FARSB: variants seen among roughly 807,000 people sequenced by gnomAD.
FARSB encodes the protein phenylalanine--tRNA ligase beta subunit.
In FARSB, 40 loss-of-function variants were observed where a neutral mutation model predicts 69.6. That is an observed-to-expected ratio of 0.57 (90% CI 0.45 to 0.75). The LOEUF is 0.75. FARSB is among the 30% of genes least tolerant of loss of function. FARSB has a pLI of 0.00. For missense variants in FARSB, 632 were observed against 722.9 expected (o/e 0.87, Z 1.44); for synonymous variants, 235 against 247.2 (o/e 0.95, Z 0.46).
intron 16 of FARSB, among the ~76,000 whole-genome samples, chr2:222,590,178 T>C (rs1299155649): frequency 1.3e-5 from 2 of 152,154 alleles, no homozygotes; most frequent in African/African-American, 4.8e-5. Flanking sequence ...CGGAATACTA[T>C]GCAGCCATAA....
intron 5 of FARSB, among the ~76,000 whole-genome samples, chr2:222,638,287 C>T (rs962130354): frequency 6.6e-6 from 1 of 152,050 alleles, no homozygotes; most frequent in Admixed American, 6.5e-5. Context: ...AATTCTTCCC[C>T]TTAGAAAAAG....
At chr2:222,589,705 A>T (rs1312091390) in intron 16 of FARSB, among the ~76,000 whole-genome samples, 2 of 152,242 alleles carry the variant, frequency 1.3e-5, no homozygotes, top group Non-Finnish European at 2.9e-5. Context: ...TAGGCGAAGG[A>T]TATCAACATG....
chr2:222,580,311 T>C (rs1287467726), intron 16 of FARSB, among the ~76,000 whole-genome samples: 1 of 152,058 alleles, frequency 6.6e-6, no homozygotes, highest in Non-Finnish European at 1.5e-5. Context: ...TTCATTAGTA[T>C]AAATAAGGCT....
intron 15 of FARSB, 35 bp from the exon 16 acceptor site, chr2:222,600,118 T>G: frequency 6.5e-7 from 1 of 1,547,952 alleles, no homozygotes; most frequent in Non-Finnish European, 8.7e-7. Flanking sequence ...CAACGCTGTA[T>G]TAACCATTGC....
chr2:222,622,900 T>C (rs1654174643), intron 13 of FARSB, among the ~76,000 whole-genome samples: 1 of 152,198 alleles, frequency 6.6e-6, no homozygotes, highest in African/African-American at 2.4e-5. Flanking sequence ...TCTTAATGCT[T>C]AATATTTATT....
At chr2:222,609,057 T>C (rs1388980210) in intron 15 of FARSB, among the ~76,000 whole-genome samples, 1 of 152,220 alleles carries the variant, frequency 6.6e-6, no homozygotes, top group East Asian at 1.9e-4. Context: ...AACCAATCTT[T>C]CTTTGGCTCT....
intron 16 of FARSB, among the ~76,000 whole-genome samples, chr2:222,599,207 G>C (rs1050380459): frequency 6.6e-6 from 1 of 152,118 alleles, no homozygotes; most frequent in Non-Finnish European, 1.5e-5. Flanking sequence ...TGAGGTAAAC[G>C]GTAGGAATAA....
intron 1 of FARSB, 89 bp from the exon 2 acceptor site, chr2:222,648,884 G>A: frequency 1.2e-6 from 1 of 850,254 alleles, no homozygotes; most frequent in Non-Finnish European, 2.1e-6. Flanking sequence ...ATTACTAATT[G>A]CCTTACACCA....
At chr2:222,630,368 C>T (rs1046639759) in intron 8 of FARSB, among the ~76,000 whole-genome samples, 194 bp from the exon 9 acceptor site, 1 of 152,182 alleles carries the variant, frequency 6.6e-6, no homozygotes, top group African/African-American at 2.4e-5. Flanking sequence ...TTACGCAGTT[C>T]TCTGACAGTT....
Position 222,624,360 on chromosome 2 carries a change from G to A in FARSB, c.1082C>T (p.Ala361Val). The change falls in exon 12 of 17, where the codon GCA becomes GTA. Residue 361 changes from alanine to valine, a missense_variant. Coordinates refer to ENST00000281828, the MANE Select transcript of FARSB (RefSeq NM_005687.5). ...IPPTRADIIH[A>V]CDIVEDAAIA... ...AGCTGCATCTTCTACAATATCACAT[G>A]CATGGATAATGTCAGCTCTGGTTGG... 6.2e-7 allele frequency: 1 copy of A among 1,609,760 alleles called. No homozygotes were observed. Among genetic ancestry groups the A allele is most frequent in the South Asian group, 1.1e-5 (1 of 91,006 alleles).
At chr2:222,577,757 T>C (rs1020121830) in intron 16 of FARSB, among the ~76,000 whole-genome samples, 3 of 152,252 alleles carry the variant, frequency 2.0e-5, no homozygotes, top group African/African-American at 7.2e-5. Context: ...TCTTAATTTG[T>C]GTAGAGAAAT....
intron 1 of FARSB, among the ~76,000 whole-genome samples, chr2:222,650,867 G>A (rs1692018811): frequency 6.6e-6 from 1 of 152,192 alleles, no homozygotes; most frequent in Admixed American, 6.5e-5. Flanking sequence ...CAGAAATTTT[G>A]TAAAATAATA....
Position 222,635,944 on chromosome 2 carries a change from G to A in FARSB, c.456-1403C>T, listed in dbSNP as rs193285662. Reference sequence around the variant, plus strand: ...AAAATGTAAAAATTAGCTGGCTGTGGTGCCACACACTTGTGGTCTCAGCTA... The same window carrying A: ...AAAATGTAAAAATTAGCTGGCTGTGATGCCACACACTTGTGGTCTCAGCTA... On this transcript the variant is annotated intron_variant, in intron 5 of 16. Transcript: ENST00000281828. 7.6e-4 allele frequency among the ~76,000 whole-genome samples: 115 copies of A among 151,858 alleles called. 2 individuals are homozygous for A. The Middle Eastern group carries it at 0.01, about 13-fold the overall frequency.
At chr2:222,601,489 C>G (rs12620186) in intron 15 of FARSB, among the ~76,000 whole-genome samples, 1 of 151,648 alleles carries the variant, frequency 6.6e-6, no homozygotes, top group Non-Finnish European at 1.5e-5. Flanking sequence ...AGCCAAAAAA[C>G]CCCATGAACA....
rs1416564760 is a variant in FARSB at position 222,613,849 on chromosome 2, A to G, written c.1424T>C (p.Phe475Ser). 16 of 1,611,484 alleles carry G rather than the reference A, an allele frequency of 9.9e-6. No individual in the cohort carries two copies. The South Asian group carries it at 1.4e-4, about 14-fold the overall frequency. Residue 475 changes from phenylalanine (F) to serine (S), a missense_variant, in exon 15 of 17, where the codon TTT (phenylalanine) becomes TCT (serine). Physicochemically the swap from Phe to Ser is radical, Grantham distance 155. Transcript: ENST00000281828. ...NRKMPLPLKL[F>S]EISDIVIKDS... ...TTTTATTACAATGTCAGAGATTTCAAACAGTTTCAGTGGAAGGGGCATCTT... is the reference window on the plus strand; with the variant it reads ...TTTTATTACAATGTCAGAGATTTCAGACAGTTTCAGTGGAAGGGGCATCTT...
intron 15 of FARSB, among the ~76,000 whole-genome samples, chr2:222,602,408 C>T (rs898767835): frequency 6.6e-6 from 1 of 150,384 alleles, no homozygotes; most frequent in Non-Finnish European, 1.5e-5. Context: ...TATAAAAAAA[C>T]AATAGTGATA....
chr2:222,567,927 T>C lies in FARSB; in HGVS notation c.*3944A>G, dbSNP rs1172732725. On this transcript the variant is annotated 3_prime_UTR_variant, in exon 17 of 17. Coordinates refer to ENST00000281828, the MANE Select transcript of FARSB (RefSeq NM_005687.5). The stretch of plus-strand genomic sequence containing the variant: ...GAATAATTGAACAATTACGGACATC[T>C]GTACAATAGAATATTACCTCATTTA... The C allele has an allele frequency of 6.6e-6, 1 of 152,242 alleles. No homozygotes were observed. The highest frequency in any genetic ancestry group is 1.5e-5 in the Non-Finnish European group (1 of 68,042). The allele number at this position is 152,242 out of a possible 1,614,324, so 9.4% of individuals were successfully genotyped here.
rs58412343 is a variant in FARSB at position 222,571,465 on chromosome 2, C to CGAACTCAT, written c.*398_*405dup. 46,985 of 153,262 alleles carry CGAACTCAT rather than the reference C, an allele frequency of 0.31. 7,395 individuals are homozygous for CGAACTCAT. Among genetic ancestry groups the CGAACTCAT allele is most frequent in the Middle Eastern group, 0.44 (132 of 302 alleles). The allele number at this position is 153,262 out of a possible 1,614,324, so 9.5% of individuals were successfully genotyped here. On this transcript the variant is annotated 3_prime_UTR_variant, in exon 17 of 17. Coordinates refer to ENST00000281828, the MANE Select transcript of FARSB (RefSeq NM_005687.5). Reference sequence around the variant, plus strand: ...TCAAAGCTAAACCCCTCAGTTATCTCGAACTCATGCAACATGAATTCTCAT... The same window carrying CGAACTCAT: ...TCAAAGCTAAACCCCTCAGTTATCTCGAACTCATGAACTCATGCAACATGAATTCTCAT...
At chr2:222,590,502 C>G (rs1236554972) in intron 16 of FARSB, among the ~76,000 whole-genome samples, 1 of 126,960 alleles carries the variant, frequency 7.9e-6, no homozygotes, top group Non-Finnish European at 1.6e-5. Context: ...TACCCTAGAA[C>G]TTAACAGTAT....
Sources: gnomAD v4.1 joint callset for allele counts (sites outside exome capture counted in the v4.1 genomes callset) on GRCh38, gnomAD v4.1.1 for gene constraint, MANE v1.5 for transcripts, NCBI Gene and HGNC (gene_info 2026-07-23, HGNC 2026-07-21) for gene names.